The following ADARB2 variants were observed in gnomAD, a reference collection of about 807,000 sequenced individuals.
ADARB2 encodes the protein adenosine deaminase RNA specific B2 (inactive), also known as inactive double-stranded RNA-specific editase B2.
In ADARB2, 25 loss-of-function variants were observed where a neutral mutation model predicts 62.2. That is an observed-to-expected ratio of 0.40 (90% CI 0.29 to 0.56). ADARB2 has a LOEUF of 0.56. ADARB2 is among the 20% of genes least tolerant of loss of function. The pLI, the probability that ADARB2 is intolerant of heterozygous loss-of-function variation, is 0.43. For synonymous variants in ADARB2, 572 were observed against 500.8 expected, an observed-to-expected ratio of 1.14 and a Z score of -1.90; for missense variants, 1,071 against 1,077.4, an observed-to-expected ratio of 0.99 and a Z score of 0.08.
At chr10:1,233,103 G>A (rs757972231) in intron 6 of ADARB2, among the ~76,000 whole-genome samples, 7 of 152,094 alleles carry the variant, frequency 4.6e-5, no homozygotes, top group Non-Finnish European at 5.9e-5. Flanking sequence ...CCTGCCCCAC[G>A]CCCTGCCCTC....
At chr10:1,478,097 C>T (rs544516814) in intron 1 of ADARB2, among the ~76,000 whole-genome samples, 20 of 152,354 alleles carry the variant, frequency 1.3e-4, no homozygotes, top group African/African-American at 3.4e-4. Context: ...CCAAAGGAGA[C>T]GCCAGTGCTG....
chr10:1,401,237 C>G (rs551677927), intron 1 of ADARB2, among the ~76,000 whole-genome samples: 1 of 152,182 alleles, frequency 6.6e-6, no homozygotes, highest in African/African-American at 2.4e-5. Flanking sequence ...TGGGGGACGG[C>G]CCGGTGTGTG....
intron 1 of ADARB2, among the ~76,000 whole-genome samples, chr10:1,412,769 C>T (rs1459451205): frequency 6.6e-6 from 1 of 152,144 alleles, no homozygotes; most frequent in Non-Finnish European, 1.5e-5. Flanking sequence ...CCTCCCGCAC[C>T]ACCTGTGGGA....
chr10:1,300,349 G>A (rs995691296), intron 3 of ADARB2, among the ~76,000 whole-genome samples: 3 of 137,092 alleles, frequency 2.2e-5, no homozygotes, highest in East Asian at 2.5e-4. Context: ...AGTGACGGCT[G>A]CTCCCAGCCT....
intron 3 of ADARB2, 61 bp from the exon 4 acceptor site, chr10:1,271,130 G>T (rs929899284): frequency 1.5e-6 from 2 of 1,368,580 alleles, no homozygotes; most frequent in Admixed American, 1.8e-5. Context: ...AGGATGATGG[G>T]GCACTGTCCT....
At chr10:1,389,569 C>A (rs1331912355) in intron 1 of ADARB2, among the ~76,000 whole-genome samples, 1 of 151,830 alleles carries the variant, frequency 6.6e-6, no homozygotes, top group Non-Finnish European at 1.5e-5. Flanking sequence ...ATGGTAAAAC[C>A]CCATCTCTAC....
At chr10:1,302,541 C>G (rs1435754538) in intron 3 of ADARB2, among the ~76,000 whole-genome samples, 36 of 152,210 alleles carry the variant, frequency 2.4e-4, no homozygotes, top group Admixed American at 2.4e-3. Flanking sequence ...TCAAGGAGGC[C>G]TGCGTGCCTC....
chr10:1,714,396 C>A (rs1282181454), intron 1 of ADARB2, among the ~76,000 whole-genome samples: 1 of 152,186 alleles, frequency 6.6e-6, no homozygotes, highest in East Asian at 1.9e-4. Context: ...TAAAATAATT[C>A]ACTTACTGAG....
chr10:1,560,463 C>A (rs1832770674), intron 1 of ADARB2, among the ~76,000 whole-genome samples: 1 of 130,722 alleles, frequency 7.6e-6, no homozygotes, highest in Non-Finnish European at 1.7e-5. Flanking sequence ...CGCGTGAACA[C>A]ACGGGGGGCA....
intron 1 of ADARB2, among the ~76,000 whole-genome samples, chr10:1,407,903 G>A (rs1056917244): frequency 1.3e-5 from 2 of 152,224 alleles, no homozygotes; most frequent in Non-Finnish European, 2.9e-5. Context: ...GAGAAGTGAG[G>A]AGGCTGGAGG....
At chr10:1,222,126 G>T (rs1830700486) in intron 6 of ADARB2, among the ~76,000 whole-genome samples, 1 of 152,168 alleles carries the variant, frequency 6.6e-6, no homozygotes, top group South Asian at 2.1e-4. Context: ...GTGTGAGATG[G>T]TATCTCATTG....
chr10:1,575,723 C>T (rs1833002065), intron 1 of ADARB2, among the ~76,000 whole-genome samples: 1 of 152,206 alleles, frequency 6.6e-6, no homozygotes, highest in Non-Finnish European at 1.5e-5. Context: ...TGGGATCCCC[C>T]TGTGGTCAAG....
Position 1,424,754 on chromosome 10 carries a change from G to A in ADARB2, c.101-45594C>T, listed in dbSNP as rs572181699. ...GAACTCAACACATCTGCTCTGCTGC[G>A]GAAAGCATCTTTGCACTAATTTGTT... On this transcript the variant is annotated intron_variant, in intron 1 of 9. Coordinates refer to ENST00000381312, the MANE Select transcript of ADARB2 (RefSeq NM_018702.4). Among the ~76,000 whole-genome samples the A allele has an allele frequency of 7.2e-5, 11 of 152,204 alleles. No individual in the cohort carries two copies. In the East Asian group the frequency reaches 1.4e-3, roughly 19 times the overall value.
intron 1 of ADARB2, among the ~76,000 whole-genome samples, chr10:1,559,855 G>A (rs1176727548): frequency 6.6e-6 from 1 of 152,192 alleles, no homozygotes; most frequent in East Asian, 1.9e-4. Context: ...CCCATGTTGC[G>A]GTGACATTCT....
rs756516330 is a variant in ADARB2, at chr10:1,233,782, C to A, written c.1425G>T (p.Leu475=). The part of the protein sequence containing the change: ...FVRLKEGGYR[L]RENILFHLYV... ...AGAGATGGAAGAGGATGTTCTCTCG[C>A]AGCCGGTAGCCACCTTCTTTTAACC... The change falls in exon 6 of 10, where the codon CTG becomes CTT. Residue 475 remains leucine (L), a synonymous_variant. Transcript: ENST00000381312. 6 of 1,613,874 alleles carry A rather than the reference C, an allele frequency of 3.7e-6. No homozygotes were observed. The African/African-American group carries it at 6.7e-5, about 18-fold the overall frequency.
At chr10:1,691,806 C>A (rs1254872986) in intron 1 of ADARB2, among the ~76,000 whole-genome samples, 2 of 152,170 alleles carry the variant, frequency 1.3e-5, no homozygotes, top group African/African-American at 4.8e-5. Context: ...GATATTAGCC[C>A]TGATTCCACT....
rs779186191 is a variant in ADARB2, at chr10:1,543,998, CA to C, written c.101-164839del. Reference sequence around the variant, plus strand: ...ACTGAAAGCGAGAATGGCAGGTGACCAAAAAAAAAAAAAAACAAACAAAAAA... The same window carrying C: ...ACTGAAAGCGAGAATGGCAGGTGACCAAAAAAAAAAAAAACAAACAAAAAA... On this transcript the variant is annotated intron_variant, in intron 1 of 9. Coordinates refer to ENST00000381312, the MANE Select transcript of ADARB2 (RefSeq NM_018702.4). Among the ~76,000 whole-genome samples, 379 of 81,946 alleles carry C rather than the reference CA, an allele frequency of 4.6e-3. 4 individuals carry two copies. The highest frequency in any genetic ancestry group is 0.014 in the African/African-American group (355 of 25,198). The allele number at this position is 81,946 out of a possible 152,430, so 53.8% of individuals were successfully genotyped here.
Position 1,663,958 on chromosome 10 carries a change from G to A in ADARB2, c.100+73093C>T, listed in dbSNP as rs565135182. On this transcript the variant is annotated intron_variant, in intron 1 of 9. Coordinates refer to ENST00000381312, the MANE Select transcript of ADARB2 (RefSeq NM_018702.4). The stretch of plus-strand genomic sequence containing the variant: ...AGCATGAAATATCATTCCCTGGTCT[G>A]AACGTGCTACTGTTTATCCATTCAC... Among the ~76,000 whole-genome samples the A allele has an allele frequency of 9.2e-5, 14 of 152,274 alleles. No homozygotes were observed. In the South Asian group the frequency reaches 1.5e-3, roughly 16 times the overall value.
At chr10:1,452,483 T>C (rs1310258045) in intron 1 of ADARB2, among the ~76,000 whole-genome samples, 1 of 152,242 alleles carries the variant, frequency 6.6e-6, no homozygotes, top group East Asian at 1.9e-4. Flanking sequence ...GTTGAGTTCA[T>C]GTCCTTTGCA....
Sources: allele counts gnomAD v4.1 joint callset (sites outside exome capture counted in the v4.1 genomes callset), GRCh38; gene constraint gnomAD v4.1.1; transcripts MANE v1.5; gene names NCBI Gene and HGNC (gene_info 2026-07-23, HGNC 2026-07-21).